The following EBF1 variants were observed in gnomAD, a reference collection of about 807,000 sequenced individuals.
EBF1 encodes the protein transcription factor COE1.
EBF1 carries 10 observed loss-of-function variants against 68.4 expected under a neutral mutation model. That is an observed-to-expected ratio of 0.15 (90% CI 0.09 to 0.25). The LOEUF is 0.25. EBF1 is among the 10% of genes least tolerant of loss of function. The pLI, the probability that EBF1 is intolerant of heterozygous loss-of-function variation, is 1.00. For missense variants in EBF1, 509 were observed against 794.4 expected, an observed-to-expected ratio of 0.64 and a Z score of 4.32; for synonymous variants, 298 against 299.8, an observed-to-expected ratio of 0.99 and a Z score of 0.06.
chr5:158,904,119 G>A (rs1562262139), intron 6 of EBF1, among the ~76,000 whole-genome samples: 1 of 152,276 alleles, frequency 6.6e-6, no homozygotes, highest in East Asian at 1.9e-4. Context: ...AAAGCAAGGG[G>A]AAGGAATGCT....
At position 159,099,443 on chromosome 5, in the gene EBF1, T is replaced by G; in HGVS notation, c.36A>C (p.Gly12=). The G allele has an allele frequency of 6.3e-7, 1 of 1,598,240 alleles. No homozygotes were observed. The highest frequency in any genetic ancestry group is 8.5e-7 in the Non-Finnish European group (1 of 1,172,714). The change falls in exon 1 of 16, where the codon GGA becomes GGC. Residue 12 remains glycine, a synonymous_variant. Transcript: ENST00000313708. ...FGIQESIQRS[G]SSMKEEPLGS... is the part of the protein sequence containing the mutation. ...CCAGCGGCTCTTCCTTCATGCTGCT[T>G]CCACTCCGTTGGATGCTTTCCTGAA...
chr5:158,755,351 C>T (rs1372890367), intron 10 of EBF1, among the ~76,000 whole-genome samples: 1 of 151,968 alleles, frequency 6.6e-6, no homozygotes, highest in African/African-American at 2.4e-5. Flanking sequence ...CTGTCTTCTC[C>T]CTAGCCATTT....
At chr5:159,093,167 T>C (rs1781961580) in intron 4 of EBF1, among the ~76,000 whole-genome samples, 1 of 152,200 alleles carries the variant, frequency 6.6e-6, no homozygotes, top group Admixed American at 6.5e-5. Context: ...ATTAACCCTG[T>C]AGACAAGAAG....
At chr5:158,914,020 G>A (rs970835976) in intron 6 of EBF1, among the ~76,000 whole-genome samples, 1 of 152,126 alleles carries the variant, frequency 6.6e-6, no homozygotes, top group African/African-American at 2.4e-5. Context: ...GAGGAGTAGA[G>A]GCAAAAGTCA....
At chr5:158,830,633 T>C (rs1490278802) in intron 7 of EBF1, among the ~76,000 whole-genome samples, 1 of 100,344 alleles carries the variant, frequency 1.0e-5, no homozygotes, top group Non-Finnish European at 2.4e-5. Context: ...ATACTTCCAG[T>C]ACAAATCTAT....
chr5:158,930,704 A>G lies in EBF1; in HGVS notation c.555-90594T>C, dbSNP rs1810688193. On this transcript the variant is annotated intron_variant, in intron 6 of 15. Coordinates refer to ENST00000313708, the MANE Select transcript of EBF1 (RefSeq NM_024007.5). ...TCATAAGAATTCAAAATGCTTGTTCACATTTCTAAGGCATCTAATGGGGGG... is the reference window on the plus strand; with the variant it reads ...TCATAAGAATTCAAAATGCTTGTTCGCATTTCTAAGGCATCTAATGGGGGG... Among the ~76,000 whole-genome samples, 4 of 152,216 alleles carry G rather than the reference A, an allele frequency of 2.6e-5. No homozygotes were observed. In the South Asian group the frequency reaches 8.3e-4, roughly 32 times the overall value.
chr5:158,784,312 G>A (rs973297266), intron 9 of EBF1, among the ~76,000 whole-genome samples: 17 of 152,146 alleles, frequency 1.1e-4, no homozygotes, highest in Non-Finnish European at 2.5e-4. Context: ...ATGACTATCT[G>A]TTCATATGAC....
chr5:159,087,499 G>A (rs1584526168), intron 4 of EBF1, among the ~76,000 whole-genome samples: 1 of 150,902 alleles, frequency 6.6e-6, no homozygotes, highest in African/African-American at 2.4e-5. Context: ...GAAAAGCTTG[G>A]TTTTTGGAGG....
chr5:159,000,807 T>C (rs1342676612), intron 6 of EBF1, among the ~76,000 whole-genome samples: 1 of 152,168 alleles, frequency 6.6e-6, no homozygotes, highest in Non-Finnish European at 1.5e-5. Flanking sequence ...TGAGTGATGT[T>C]ACAAAATGAT....
chr5:159,046,365 A>T (rs1042350330), intron 6 of EBF1, among the ~76,000 whole-genome samples: 3 of 152,220 alleles, frequency 2.0e-5, no homozygotes, highest in African/African-American at 7.2e-5. Flanking sequence ...TCTACTGGTG[A>T]ATTTTAGCTA....
At position 159,064,899 on chromosome 5, in the gene EBF1, CTTTT is replaced by C. The variant is rs57256923; in HGVS notation, c.554+8493_554+8496del. ...GAAAAAGAGACTGCTCTCTTTTCAT[CTTTT>C]TTTTTTTTTTTTTTTTTTTTTGGTC... On this transcript the variant is annotated intron_variant, in intron 6 of 15. Coordinates refer to ENST00000313708, the MANE Select transcript of EBF1 (RefSeq NM_024007.5). 1.6e-4 allele frequency among the ~76,000 whole-genome samples: 11 copies of C among 67,912 alleles called. No homozygotes were observed. In the Admixed American group the frequency reaches 1.8e-3, roughly 11 times the overall value. 44.6% of individuals were successfully genotyped at this position (67,912 alleles called of 152,430 possible).
At chr5:158,801,048 TA>T (rs1486300361) in intron 8 of EBF1, among the ~76,000 whole-genome samples, 2 of 152,140 alleles carry the variant, frequency 1.3e-5, no homozygotes, top group Non-Finnish European at 2.9e-5. Flanking sequence ...AGTTTAGGGT[TA>T]GGGGGTGGGG....
intron 6 of EBF1, among the ~76,000 whole-genome samples, chr5:158,969,096 G>A (rs1339071226): frequency 6.6e-6 from 1 of 152,106 alleles, no homozygotes; most frequent in Non-Finnish European, 1.5e-5. Context: ...GAGGTCAGGA[G>A]TTCGAGACCA....
intron 6 of EBF1, among the ~76,000 whole-genome samples, chr5:158,969,924 A>AAGAAAGAAAGAAAGAAAGAAAG (rs761760536): frequency 8.6e-6 from 1 of 115,938 alleles, no homozygotes; most frequent in Non-Finnish European, 1.9e-5. Context: ...AAGAAAAAAA[A>AAGAAAGAAAGAAAGAAAGAAAG]AAAAAAGGCT....
intron 9 of EBF1, among the ~76,000 whole-genome samples, chr5:158,786,828 G>A (rs771995476): frequency 6.6e-5 from 10 of 152,164 alleles, no homozygotes; most frequent in Non-Finnish European, 1.3e-4. Context: ...TATGGAATTA[G>A]TAAAGAAAAA....
chr5:158,902,142 G>A (rs1173079766), intron 6 of EBF1, among the ~76,000 whole-genome samples: 2 of 152,124 alleles, frequency 1.3e-5, no homozygotes, highest in Non-Finnish European at 2.9e-5. Context: ...TAACTTGACA[G>A]TATACTGCTT....
chr5:158,754,928 C>T (rs1242574624), intron 10 of EBF1, among the ~76,000 whole-genome samples: 1 of 152,062 alleles, frequency 6.6e-6, no homozygotes, highest in African/African-American at 2.4e-5. Context: ...TCAGGCTTTT[C>T]CATAGCATGA....
At chr5:159,005,618 A>C (rs1763402974) in intron 6 of EBF1, among the ~76,000 whole-genome samples, 1 of 152,216 alleles carries the variant, frequency 6.6e-6, no homozygotes, top group African/African-American at 2.4e-5. Flanking sequence ...ATTAAAGATC[A>C]TGAAATATCA....
At chr5:158,805,756 G>C (rs1157072245) in intron 8 of EBF1, among the ~76,000 whole-genome samples, 1 of 151,886 alleles carries the variant, frequency 6.6e-6, no homozygotes, top group Non-Finnish European at 1.5e-5. Flanking sequence ...AAAAGATATG[G>C]TATCCTCTTA....
Sources: gnomAD v4.1 joint callset for allele counts (sites outside exome capture counted in the v4.1 genomes callset) on GRCh38, gnomAD v4.1.1 for gene constraint, MANE v1.5 for transcripts, NCBI Gene and HGNC (gene_info 2026-07-23, HGNC 2026-07-21) for gene names.